Variants in CNOT2 observed in about 807,000 individuals in gnomAD.
The protein encoded by CNOT2 is CCR4-NOT transcription complex subunit 2, also known as CC chemokine receptor 4-negative regulator of transcription 2.
CNOT2 carries 7 observed loss-of-function variants against 72.1 expected under a neutral mutation model. That is an observed-to-expected ratio of 0.10 (90% CI 0.06 to 0.18). The LOEUF is 0.18. CNOT2 is among the 10% of genes least tolerant of loss of function. The probability of loss-of-function intolerance (pLI) is 1.00; values close to 1 mark genes in which losing one functional copy is unlikely to be tolerated. For synonymous variants in CNOT2, 196 were observed against 225.6 expected, an observed-to-expected ratio of 0.87 and a Z score of 1.17; for missense variants, 345 against 660.3, an observed-to-expected ratio of 0.52 and a Z score of 5.23.
chr12:70,319,014 C>T (rs1877838768), intron 3 of CNOT2: 2 of 227,568 alleles, frequency 8.8e-6, no homozygotes, highest in African/African-American at 2.3e-5. Context: ...ATTTTTTTAA[C>T]TTGCTAAGTG....
intron 11 of CNOT2, among the ~76,000 whole-genome samples, chr12:70,339,080 A>G (rs372734010): frequency 0.021 from 2,573 of 122,466 alleles, 58 homozygotes; most frequent in African/African-American, 0.061. Flanking sequence ...GTGTGTGTAT[A>G]TATATATATA....
Position 70,338,662 on chromosome 12 carries a change from C to G in CNOT2, c.1022-4C>G. The G allele has an allele frequency of 6.2e-7, 1 of 1,608,110 alleles. No individual in the cohort carries two copies. ...ATAAAAGCAACTGTGTTTTTCCTAC[C>G]CAGGTCGGGTTACTAACATTCCTCA... On this transcript the variant is annotated splice_region_variant and splice_polypyrimidine_tract_variant and intron_variant, in intron 10 of 15. Transcript: ENST00000229195.
chr12:70,246,277 C>G (rs1957872140), intron 1 of CNOT2, among the ~76,000 whole-genome samples: 1 of 152,214 alleles, frequency 6.6e-6, no homozygotes, highest in Non-Finnish European at 1.5e-5. Context: ...TATTTGAAGG[C>G]AAACTAACAA....
intron 2 of CNOT2, among the ~76,000 whole-genome samples, chr12:70,305,626 C>T (rs1214356476): frequency 6.6e-6 from 1 of 152,114 alleles, no homozygotes; most frequent in Admixed American, 6.5e-5. Flanking sequence ...CAGAGATTAC[C>T]ATGAACAGTA....
At chr12:70,294,773 T>A (rs1872558460) in intron 2 of CNOT2, among the ~76,000 whole-genome samples, 1 of 152,214 alleles carries the variant, frequency 6.6e-6, no homozygotes, top group East Asian at 1.9e-4. Context: ...TTTTAATCTT[T>A]ACAGAAATAG....
chr12:70,320,977 T>C (rs1350600236), intron 4 of CNOT2, among the ~76,000 whole-genome samples: 1 of 151,894 alleles, frequency 6.6e-6, no homozygotes, highest in African/African-American at 2.4e-5. Flanking sequence ...GACAGACATT[T>C]ATGTTTTTGT....
intron 2 of CNOT2, among the ~76,000 whole-genome samples, chr12:70,306,229 C>T (rs1875359629): frequency 6.6e-6 from 1 of 152,136 alleles, no homozygotes; most frequent in South Asian, 2.1e-4. Context: ...GATCTTGGCT[C>T]ACTGCAACCT....
chr12:70,251,715 G>C (rs1863839185), intron 1 of CNOT2, among the ~76,000 whole-genome samples: 1 of 152,148 alleles, frequency 6.6e-6, no homozygotes, highest in Admixed American at 6.5e-5. Flanking sequence ...ATTCATATAA[G>C]CAGGATTTTT....
intron 1 of CNOT2, among the ~76,000 whole-genome samples, chr12:70,274,454 T>A (rs1262965567): frequency 6.6e-6 from 1 of 152,096 alleles, no homozygotes; most frequent in South Asian, 2.1e-4. Context: ...CCTGTTCAGC[T>A]GGTTCAGCTG....
chr12:70,337,343 A>G lies in CNOT2; in HGVS notation c.776-46A>G, dbSNP rs10506590. ...TTAACTTTATAATCTGTAGCAAAAT[A>G]TCATAAATATCAATTGCAATTCTCC... On this transcript the variant is annotated intron_variant, in intron 8 of 15. Coordinates refer to ENST00000229195, the MANE Select transcript of CNOT2 (RefSeq NM_014515.7). 0.038 allele frequency: 58,835 copies of G among 1,531,292 alleles called. 5,781 individuals are homozygous for G. In the East Asian group the frequency reaches 0.43, roughly 11 times the overall value. 94.9% of individuals were successfully genotyped at this position (1,531,292 alleles called of 1,614,324 possible). A position where few individuals can be genotyped will look rare whatever the true frequency, so the allele number is the denominator to read the frequency against.
intron 15 of CNOT2, among the ~76,000 whole-genome samples, chr12:70,350,539 G>A (rs908637017): frequency 6.6e-6 from 1 of 152,188 alleles, no homozygotes; most frequent in African/African-American, 2.4e-5. Flanking sequence ...TCCAAAATCT[G>A]TAACTTCTGA....
At chr12:70,339,091 T>TATACACACAC (rs371015394) in intron 11 of CNOT2, among the ~76,000 whole-genome samples, 1 of 138,314 alleles carries the variant, frequency 7.2e-6, no homozygotes, top group African/African-American at 2.8e-5. Context: ...TATATATATA[T>TATACACACAC]ACACACACAC....
chr12:70,353,235 G>A (rs1030311081), intron 15 of CNOT2, among the ~76,000 whole-genome samples: 3 of 151,810 alleles, frequency 2.0e-5, no homozygotes, highest in Non-Finnish European at 4.4e-5. Flanking sequence ...ACTACGCCCA[G>A]CTAATTTTTG....
chr12:70,254,054 C>T (rs914959529), intron 1 of CNOT2, among the ~76,000 whole-genome samples: 2 of 151,744 alleles, frequency 1.3e-5, no homozygotes, highest in South Asian at 2.1e-4. Flanking sequence ...CTGGCTAGCA[C>T]GATGAAACCC....
chr12:70,306,933 T>A (rs1461960657), intron 2 of CNOT2, among the ~76,000 whole-genome samples: 1 of 152,228 alleles, frequency 6.6e-6, no homozygotes, highest in African/African-American at 2.4e-5. Flanking sequence ...ATACGAATTC[T>A]GTAGGCAGTT....
chr12:70,319,378 AT>A lies in CNOT2; in HGVS notation c.238+17del. ...ACGGGCAACAAAGTAAGAATTTTGTATTTATTCTGGGATACTTTATTTAAAG... is the reference window on the plus strand; with the variant it reads ...ACGGGCAACAAAGTAAGAATTTTGTATTATTCTGGGATACTTTATTTAAAG... On this transcript the variant is annotated intron_variant, in intron 4 of 15. Coordinates refer to ENST00000229195, the MANE Select transcript of CNOT2 (RefSeq NM_014515.7). The A allele has an allele frequency of 6.2e-7, 1 of 1,607,464 alleles. No individual in the cohort carries two copies. The highest frequency in any genetic ancestry group is 8.5e-7 in the Non-Finnish European group (1 of 1,175,132).
At chr12:70,319,258 CTGTTT>C in intron 3 of CNOT2, 35 bp from the exon 4 acceptor site, 1 of 1,563,454 alleles carries the variant, frequency 6.4e-7, no homozygotes, top group Non-Finnish European at 8.8e-7. Flanking sequence ...ATGCTCTGCT[CTGTTT>C]TCTTTATGCT....
At chr12:70,279,117 C>CT (rs1215716409) in intron 2 of CNOT2, among the ~76,000 whole-genome samples, 1 of 152,176 alleles carries the variant, frequency 6.6e-6, no homozygotes, top group Non-Finnish European at 1.5e-5. Flanking sequence ...CCCACACTTC[C>CT]TTTCACTCAT....
At chr12:70,292,738 G>A (rs1034258907) in intron 2 of CNOT2, among the ~76,000 whole-genome samples, 2 of 152,168 alleles carry the variant, frequency 1.3e-5, no homozygotes, top group African/African-American at 2.4e-5. Context: ...GATTTCTGAT[G>A]TTCTTTTATT....
Sources: gnomAD v4.1 joint callset for allele counts (sites outside exome capture counted in the v4.1 genomes callset) on GRCh38, gnomAD v4.1.1 for gene constraint, MANE v1.5 for transcripts, NCBI Gene and HGNC (gene_info 2026-07-23, HGNC 2026-07-21) for gene names.